The following BFAR variants were observed in gnomAD, a reference collection of about 807,000 sequenced individuals.
The protein encoded by BFAR is bifunctional apoptosis regulator, also known as RING finger protein 47.
BFAR carries 52 observed loss-of-function variants against 54.4 expected under a neutral mutation model. The observed-to-expected ratio is 0.96, with a 90% CI of 0.77 to 1.21. The LOEUF is 1.21. Among genes scored for constraint, BFAR ranks in the 50% most tolerant of loss-of-function variants. The pLI, the probability that BFAR is intolerant of heterozygous loss-of-function variation, is 0.00. For missense variants in BFAR, 571 were observed against 534.0 expected, an observed-to-expected ratio of 1.07 and a Z score of -0.68; for synonymous variants, 215 against 204.3, an observed-to-expected ratio of 1.05 and a Z score of -0.45.
At chr16:14,654,657 G>A (rs1358209188) in intron 4 of BFAR, among the ~76,000 whole-genome samples, 5 of 151,916 alleles carry the variant, frequency 3.3e-5, no homozygotes, top group African/African-American at 1.2e-4. Flanking sequence ...ACAGGTGCAC[G>A]CTAATTTTTG....
chr16:14,654,006 C>CTTTT (rs776274046), intron 4 of BFAR, among the ~76,000 whole-genome samples: 25 of 121,474 alleles, frequency 2.1e-4, no homozygotes, highest in Non-Finnish European at 2.7e-4. Context: ...CATCTAAGAA[C>CTTTT]TTTTTTTTTT....
At chr16:14,640,168 AGAAG>A (rs1959577308) in intron 1 of BFAR, among the ~76,000 whole-genome samples, 1 of 151,788 alleles carries the variant, frequency 6.6e-6, no homozygotes, top group African/African-American at 2.4e-5. Context: ...AAAAAAAAGA[AGAAG>A]AGAGAGAGAG....
intron 1 of BFAR, among the ~76,000 whole-genome samples, chr16:14,639,922 G>A (rs1384167325): frequency 6.6e-6 from 1 of 152,024 alleles, no homozygotes; most frequent in Non-Finnish European, 1.5e-5. Flanking sequence ...ATTTTGGGAG[G>A]TCGCGGTAGG....
intron 1 of BFAR, among the ~76,000 whole-genome samples, chr16:14,634,612 T>G (rs1959375208): frequency 1.3e-5 from 2 of 152,318 alleles, no homozygotes; most frequent in East Asian, 3.9e-4. Context: ...GAGTATCCCT[T>G]GAGCCCAGGA....
chr16:14,643,489 G>A (rs1959689223), intron 1 of BFAR, among the ~76,000 whole-genome samples: 1 of 152,150 alleles, frequency 6.6e-6, no homozygotes, highest in African/African-American at 2.4e-5. Context: ...AAATAGGCCA[G>A]AAAGAAATTG....
chr16:14,635,878 C>T (rs1340906737), intron 1 of BFAR, among the ~76,000 whole-genome samples: 1 of 152,096 alleles, frequency 6.6e-6, no homozygotes, highest in Non-Finnish European at 1.5e-5. Flanking sequence ...GATCCACCCG[C>T]CTCGGCCTCC....
intron 4 of BFAR, among the ~76,000 whole-genome samples, chr16:14,654,396 G>T (rs1960061886): frequency 6.6e-6 from 1 of 151,520 alleles, no homozygotes; most frequent in African/African-American, 2.4e-5. Context: ...TAATATGTGA[G>T]AGGTCAGAGC....
intron 5 of BFAR, among the ~76,000 whole-genome samples, chr16:14,658,028 TG>T (rs1960177507): frequency 6.6e-6 from 1 of 152,182 alleles, no homozygotes; most frequent in Non-Finnish European, 1.5e-5. Flanking sequence ...CTACATTGCC[TG>T]GGGAACTGGG....
chr16:14,658,995 C>T (rs577767852), intron 5 of BFAR, among the ~76,000 whole-genome samples: 1 of 151,874 alleles, frequency 6.6e-6, no homozygotes, highest in Non-Finnish European at 1.5e-5. Flanking sequence ...GCAAACTCCA[C>T]CTCCCAGGTT....
intron 1 of BFAR, among the ~76,000 whole-genome samples, chr16:14,638,380 T>C (rs183924772): frequency 8.5e-5 from 13 of 152,280 alleles, no homozygotes; most frequent in Admixed American, 3.3e-4. Flanking sequence ...TGAGACCCTG[T>C]CTCTAAAAAA....
At chr16:14,648,922 G>A (rs1225352412) in intron 3 of BFAR, among the ~76,000 whole-genome samples, 1 of 152,004 alleles carries the variant, frequency 6.6e-6, no homozygotes, top group Non-Finnish European at 1.5e-5. Context: ...GTGCAGTGGT[G>A]CGATCTAGGT....
intron 1 of BFAR, among the ~76,000 whole-genome samples, chr16:14,638,881 G>C (rs1959535126): frequency 6.6e-6 from 1 of 151,804 alleles, no homozygotes; most frequent in Non-Finnish European, 1.5e-5. Flanking sequence ...GGAGGCGGAG[G>C]TTGCAGTGAG....
In BFAR at chr16:14,662,009, A is replaced by G. The variant is rs1181087923; in HGVS notation, c.901A>G (p.Thr301Ala). 6.2e-7 allele frequency: 1 copy of G among 1,613,904 alleles called. No individual in the cohort carries two copies. The highest frequency in any genetic ancestry group is 1.3e-5 in the African/African-American group (1 of 74,860). ...CGACACCTTCCTACCTTTCATCCAC[A>G]CCATCTGCCCTCTGCAAGAAGACAG... ...YTDTFLPFIHTICPLQEDSSG... is the reference protein window; with the variant it reads ...YTDTFLPFIHAICPLQEDSSG... Residue 301 changes from threonine (T) to alanine (A), a missense_variant, in exon 6 of 8, where the codon ACC becomes GCC. Physicochemically the swap from Thr to Ala is moderately conservative, Grantham distance 58. Coordinates refer to ENST00000261658, the MANE Select transcript of BFAR (RefSeq NM_016561.3).
At chr16:14,667,527 C>T (rs1298628140) in intron 7 of BFAR, 108 bp from the exon 8 acceptor site, 2 of 1,026,786 alleles carry the variant, frequency 1.9e-6, no homozygotes, top group Non-Finnish European at 2.9e-6. Context: ...GGACATTCAG[C>T]ACGGGCAGCC....
intron 6 of BFAR, 64 bp from the exon 7 acceptor site, chr16:14,664,805 A>G (rs1960391961): frequency 6.7e-7 from 1 of 1,502,788 alleles, no homozygotes; most frequent in African/African-American, 1.4e-5. Flanking sequence ...TAGCCTGATC[A>G]TCACAATATT....
intron 1 of BFAR, among the ~76,000 whole-genome samples, chr16:14,634,194 A>G (rs1211630435): frequency 1.3e-5 from 2 of 152,150 alleles, no homozygotes; most frequent in Non-Finnish European, 2.9e-5. Context: ...CGCCAATAGG[A>G]AAGAGCTTTA....
chr16:14,665,266 C>A, intron 7 of BFAR, 195 bp downstream of exon 7: 27 of 516,944 alleles, frequency 5.2e-5, no homozygotes, highest in East Asian at 6.9e-5. Context: ...TTGTGGTGCT[C>A]ATTGTTAAAA....
At chr16:14,661,149 G>A (rs971488883) in intron 5 of BFAR, among the ~76,000 whole-genome samples, 4 of 152,168 alleles carry the variant, frequency 2.6e-5, no homozygotes, top group Non-Finnish European at 4.4e-5. Flanking sequence ...AGTATCTGCT[G>A]TAACTGTAGA....
Position 14,661,955 on chromosome 16 carries a change from C to G in BFAR, c.847C>G (p.Leu283Val). 1 of 1,614,168 alleles carries G rather than the reference C, an allele frequency of 6.2e-7. No homozygotes were observed. The highest frequency in any genetic ancestry group is 8.5e-7 in the Non-Finnish European group (1 of 1,180,018). Residue 283 changes from leucine (L) to valine (V), a missense_variant, in exon 6 of 8, where the codon CTG becomes GTG. Transcript: ENST00000261658. ...CCTCAAGAGCTCCCCCAGGCTGAGT[C>G]TGCTCTACCTGTACCTGTTTGACTA... ...YALKSSPRLS[L>V]LYLYLFDYTD...
Sources: allele counts gnomAD v4.1 joint callset (sites outside exome capture counted in the v4.1 genomes callset), GRCh38; gene constraint gnomAD v4.1.1; transcripts MANE v1.5; gene names NCBI Gene and HGNC (gene_info 2026-07-23, HGNC 2026-07-21).